The following ERMP1 variants were observed in gnomAD, a reference collection of about 807,000 sequenced individuals.
The protein encoded by ERMP1 is Felix-ina.
In ERMP1, 86 loss-of-function variants were observed where a neutral mutation model predicts 92.0. That is an observed-to-expected ratio of 0.93 (90% CI 0.79 to 1.12). The LOEUF (loss-of-function observed/expected upper bound fraction) is 1.12. ERMP1 is among the 50% of genes most tolerant of loss of function. The pLI is 0.00. For synonymous variants in ERMP1, 530 were observed against 412.8 expected (o/e 1.28, Z -3.44); for missense variants, 1,342 against 1,116.3 (o/e 1.20, Z -2.88).
chr9:5,790,451 T>C (rs1828140233), intron 13 of ERMP1, among the ~76,000 whole-genome samples: 1 of 152,136 alleles, frequency 6.6e-6, no homozygotes, highest in Non-Finnish European at 1.5e-5. Flanking sequence ...GTAATAAAAA[T>C]TAATGTAAAT....
chr9:5,825,535 G>A (rs1292947602), intron 2 of ERMP1, among the ~76,000 whole-genome samples: 1 of 152,178 alleles, frequency 6.6e-6, no homozygotes, highest in South Asian at 2.1e-4. Context: ...GGTATTCTCA[G>A]CAAACCAAGG....
chr9:5,838,541 AAG>A (rs1491388799), intron 6 of ERMP1, among the ~76,000 whole-genome samples: 12 of 128,834 alleles, frequency 9.3e-5, no homozygotes, highest in East Asian at 2.7e-4. Context: ...AAAAAAAAAA[AAG>A]AAGAAGAAGA....
intron 5 of ERMP1, 186 bp downstream of exon 5, chr9:5,812,703 G>T: frequency 1.5e-6 from 1 of 664,062 alleles, no homozygotes; most frequent in Non-Finnish European, 2.6e-6. Context: ...TTTTAGAGGA[G>T]GCCAGCATTT....
chr9:5,849,761 T>G (rs1830283039), intron 6 of ERMP1, among the ~76,000 whole-genome samples: 1 of 152,224 alleles, frequency 6.6e-6, no homozygotes, highest in Non-Finnish European at 1.5e-5. Context: ...TTTGGCATGT[T>G]TGGTTCTTAT....
chr9:5,799,773 C>A lies in ERMP1; in HGVS notation c.2068-765G>T, dbSNP rs548673791. ...AACTTCTGGCACAGTGGAAGAGAAC[C>A]CCCAAACAAATCAGAAAATGACTTT... On this transcript the variant is annotated intron_variant, in intron 11 of 14. Coordinates refer to ENST00000339450, the MANE Select transcript of ERMP1 (RefSeq NM_024896.3). Among the ~76,000 whole-genome samples, 5 of 152,210 alleles carry A rather than the reference C, an allele frequency of 3.3e-5. No homozygotes were observed. In the South Asian group the frequency reaches 8.3e-4, roughly 25 times the overall value.
rs942748891 is a variant in ERMP1 at position 5,790,641 on chromosome 9, C to G, written c.2387-3048G>C. On this transcript the variant is annotated intron_variant, in intron 13 of 14. Coordinates refer to ENST00000339450, the MANE Select transcript of ERMP1 (RefSeq NM_024896.3). ...AAGTCCTATCTTATTTCTCAAAACA[C>G]AGAATTCAAGGCAAAGGCATTAAAT... Among the ~76,000 whole-genome samples, 4 of 152,104 alleles carry G rather than the reference C, an allele frequency of 2.6e-5. No individual in the cohort carries two copies. The South Asian group carries it at 8.3e-4, about 31-fold the overall frequency.
chr9:5,856,813 C>G (rs953142660), intron 6 of ERMP1, among the ~76,000 whole-genome samples: 3 of 152,054 alleles, frequency 2.0e-5, no homozygotes, highest in African/African-American at 7.2e-5. Context: ...TGTTGATTCA[C>G]TAATTTTGAA....
intron 4 of ERMP1, among the ~76,000 whole-genome samples, chr9:5,815,279 T>C (rs925867521): frequency 2.6e-5 from 4 of 152,098 alleles, no homozygotes; most frequent in African/African-American, 9.7e-5. Flanking sequence ...CTTAGAGAAA[T>C]GGCTGATTCC....
In ERMP1 at chr9:5,787,284, T is replaced by C. The variant is rs1827983348; in HGVS notation, c.2575A>G (p.Met859Val). 1.2e-6 allele frequency: 2 copies of C among 1,613,452 alleles called. No homozygotes were observed. Among genetic ancestry groups the C allele is most frequent in the African/African-American group, 2.7e-5 (2 of 74,912 alleles). ...TGGGCAGCAATGGCCACGGTGACCA[T>C]TCCTTCAGGATGTTCTTCTGAAACC... ...VQVSEEHPEG[M>V]VTVAIAAHYL... The change falls in exon 15 of 15, where the codon ATG becomes GTG. Residue 859 changes from methionine (M) to valine (V), a missense_variant. Physicochemically the swap from Met to Val is conservative, Grantham distance 21 (BLOSUM62 1). Transcript: ENST00000339450.
At position 5,811,194 on chromosome 9, in the gene ERMP1, C is replaced by A; in HGVS notation, c.1244G>T (p.Arg415Leu). ...LGLFVIAYPS[R>L]IGSIINYMVV... ...CATGTAGTTTATGATTGAGCCAATACGAGAGGGGTAGGCAATGACAAACAG... is the reference window on the plus strand; with the variant it reads ...CATGTAGTTTATGATTGAGCCAATAAGAGAGGGGTAGGCAATGACAAACAG... Residue 415 changes from arginine (R) to leucine (L), a missense_variant, in exon 7 of 15, where the codon CGT becomes CTT. Transcript: ENST00000339450. The A allele has an allele frequency of 6.2e-7, 1 of 1,613,796 alleles. No homozygotes were observed. The highest frequency in any genetic ancestry group is 8.5e-7 in the Non-Finnish European group (1 of 1,179,932).
chr9:5,807,056 G>C (rs1828897802), intron 8 of ERMP1, among the ~76,000 whole-genome samples: 1 of 152,176 alleles, frequency 6.6e-6, no homozygotes, highest in African/African-American at 2.4e-5. Flanking sequence ...ATTTGAAGCT[G>C]AATGCCACTC....
intron 5 of ERMP1, among the ~76,000 whole-genome samples, chr9:5,863,559 G>C (rs887564162): frequency 6.6e-6 from 1 of 152,126 alleles, no homozygotes; most frequent in Non-Finnish European, 1.5e-5. Context: ...CCTTGTTTGG[G>C]GCTGGCACAG....
intron 2 of ERMP1, among the ~76,000 whole-genome samples, chr9:5,828,225 C>T (rs904613251): frequency 6.6e-6 from 1 of 152,204 alleles, no homozygotes; most frequent in African/African-American, 2.4e-5. Context: ...CAATCTGTAA[C>T]ATTTGGCACT....
Position 5,787,567 on chromosome 9 carries a change from G to A in ERMP1, c.2413C>T (p.Arg805Ter), listed in dbSNP as rs774581636. The change falls in exon 14 of 15, where the codon CGA (arginine) becomes TGA (stop). Residue 805 changes from arginine to a stop codon, truncating the protein, a stop_gained. Transcript: ENST00000339450. LOFTEE classifies it high-confidence loss of function. ...GAAAGTGTTGACCCTTTGTGGGCTC[G>A]AACATAGAAGGACATATGGCTTGGT... ...TGPSHMSFYV[R>*]AHKGSTLSQW... 1.2e-5 allele frequency: 19 copies of A among 1,613,434 alleles called. No individual in the cohort carries two copies. The highest frequency in any genetic ancestry group is 2.2e-5 in the East Asian group (1 of 44,884).
intron 4 of ERMP1, 134 bp from the exon 5 acceptor site, chr9:5,813,169 T>G (rs1184098662): frequency 3.8e-6 from 3 of 798,286 alleles, no homozygotes; most frequent in Non-Finnish European, 6.0e-6. Context: ...TTTTCATCCC[T>G]TTTTCTGTAG....
chr9:5,836,871 C>A (rs988520571), upstream of ERMP1, among the ~76,000 whole-genome samples: 2 of 152,072 alleles, frequency 1.3e-5, no homozygotes, highest in African/African-American at 4.8e-5. Flanking sequence ...GCTTTTCTAC[C>A]CCCATGAGCT....
In ERMP1 at chr9:5,854,198, T is replaced by C. The variant is rs938821119; in HGVS notation, n.3199+5270A>G. Among the ~76,000 whole-genome samples the C allele has an allele frequency of 3.9e-4, 59 of 152,176 alleles. 1 individual carries two copies. Among genetic ancestry groups the C allele is most frequent in the African/African-American group, 1.4e-3 (58 of 41,490 alleles). On this transcript the variant is annotated intron_variant and non_coding_transcript_variant, in intron 6 of 6. Transcript: ENST00000690753. Reference sequence around the variant, plus strand: ...GGAGGAGGAGAAGGGGCCATGCTCATATCTGTATCTAGGTGCTAGAAAGAG... The same window carrying C: ...GGAGGAGGAGAAGGGGCCATGCTCACATCTGTATCTAGGTGCTAGAAAGAG...
At chr9:5,816,589 T>C (rs113913315) in intron 4 of ERMP1, among the ~76,000 whole-genome samples, 45 of 152,262 alleles carry the variant, frequency 3.0e-4, no homozygotes, top group African/African-American at 1.0e-3. Context: ...GCTGAACATA[T>C]ACACATCTTA....
intron 13 of ERMP1, among the ~76,000 whole-genome samples, chr9:5,796,560 A>G (rs1255216586): frequency 1.3e-5 from 2 of 152,240 alleles, no homozygotes; most frequent in African/African-American, 2.4e-5. Context: ...GAAATGGCCT[A>G]TCAAGTCACA....
Sources: gnomAD v4.1 joint callset for allele counts (sites outside exome capture counted in the v4.1 genomes callset) on GRCh38, gnomAD v4.1.1 for gene constraint, MANE v1.5 for transcripts, NCBI Gene and HGNC (gene_info 2026-07-23, HGNC 2026-07-21) for gene names.